Variants in INTS1 observed in about 807,000 individuals in gnomAD.
INTS1 encodes the protein integrator complex subunit 1.
Under a neutral mutation model 241.6 loss-of-function variants are expected in INTS1, and 137 were observed. That is an observed-to-expected ratio of 0.57 (90% CI 0.49 to 0.65). The LOEUF is 0.65. Ranked by LOEUF, INTS1 falls within the 30% of genes least tolerant of loss-of-function variation. The pLI, the probability that INTS1 is intolerant of heterozygous loss-of-function variation, is 0.00. For missense variants in INTS1, 3,073 were observed against 3,032.2 expected (o/e 1.01, Z -0.32); for synonymous variants, 1,692 against 1,337.8 (o/e 1.26, Z -5.78).
chr7:1,498,946 C>CCCCCCCCCCCCCCCCCCCG, intron 8 of INTS1, 29 bp downstream of exon 8: 1 of 1,194,106 alleles, frequency 8.4e-7, no homozygotes. Context: ...ACCCCCTGCC[C>CCCCCCCCCCCCCCCCCCCG]CGCCCACCCC....
Position 1,497,241 on chromosome 7 carries a change from C to T in INTS1, c.1499G>A (p.Arg500Gln). The T allele has an allele frequency of 1.9e-6, 3 of 1,613,394 alleles. No homozygotes were observed. Among genetic ancestry groups the T allele is most frequent in the Non-Finnish European group, 2.5e-6 (3 of 1,179,792 alleles). The change falls in exon 11 of 48, where the codon CGG (arginine) becomes CAG (glutamine). Residue 500 changes from arginine (R) to glutamine (Q), a missense_variant. Physicochemically the swap from Arg to Gln is conservative, Grantham distance 43. Transcript: ENST00000404767. This position sits in a 1 kb window ranked among gnomAD's most constrained non-coding sequence, Gnocchi z 5.3. ...DYLRASRALL[R>Q]EIIKQTKHEI... ...GTGCTTGGTCTGCTTGATGATCTCC[C>T]GCAGCAGGGCCCGCGAGGCCCGCAG...
At chr7:1,490,495 T>C (rs1782497554) in intron 16 of INTS1, among the ~76,000 whole-genome samples, 1 of 152,162 alleles carries the variant, frequency 6.6e-6, no homozygotes, top group Non-Finnish European at 1.5e-5. Context: ...CGGGAACCCC[T>C]GAAAGGGTGT....
At position 1,486,551 on chromosome 7, in the gene INTS1, C is replaced by T. The variant is rs1368866512; in HGVS notation, c.2976+74G>A. The T allele has an allele frequency of 6.0e-6, 9 of 1,500,586 alleles. No homozygotes were observed. In the Admixed American group the frequency reaches 1.6e-4, roughly 27 times the overall value. 93.0% of individuals were successfully genotyped at this position (1,500,586 alleles called of 1,614,324 possible). A position where few individuals can be genotyped will look rare whatever the true frequency, so the allele number is the denominator to read the frequency against. ...AAGTGCTGGGATGACAGGCGTGAGC[C>T]ACCGTGCCCGGTCCCCAGCCTACTC... On this transcript the variant is annotated intron_variant, in intron 22 of 47. Transcript: ENST00000404767.
At chr7:1,501,128 T>C (rs1783155939) in intron 3 of INTS1, 2 of 151,582 alleles carry the variant, frequency 1.3e-5, no homozygotes, top group African/African-American at 4.9e-5. Flanking sequence ...CTACTAGAAA[T>C]ACACAAATTA....
chr7:1,493,669 C>G lies in INTS1; in HGVS notation c.2068+85G>C. On this transcript the variant is annotated intron_variant, in intron 15 of 47. Coordinates refer to ENST00000404767, the MANE Select transcript of INTS1 (RefSeq NM_001080453.3). The surrounding 1 kb of genome is among the most constrained non-coding windows in gnomAD (Gnocchi z 5.3). ...CTGAAGCGCAGCTTTGTGGAGCGCCCCAGAGGTGCGTGCCAGAGCCGGGGT... is the reference window on the plus strand; with the variant it reads ...CTGAAGCGCAGCTTTGTGGAGCGCCGCAGAGGTGCGTGCCAGAGCCGGGGT... 1 of 1,475,656 alleles carries G rather than the reference C, an allele frequency of 6.8e-7. No individual in the cohort carries two copies. The highest frequency in any genetic ancestry group is 9.0e-7 in the Non-Finnish European group (1 of 1,106,260). 91.4% of individuals were successfully genotyped at this position (1,475,656 alleles called of 1,614,324 possible).
Position 1,480,350 on chromosome 7 carries a change from G to A in INTS1, c.4041C>T (p.Gly1347=). Residue 1347 remains glycine (G), a synonymous_variant, in exon 30 of 48, where the codon GGC becomes GGT. Transcript: ENST00000404767. ...ACATGCCAGCCAGGTCGTCCTCAGGGCCCAGCACCCGGAGCTGGGTCCCCA... is the reference window on the plus strand; with the variant it reads ...ACATGCCAGCCAGGTCGTCCTCAGGACCCAGCACCCGGAGCTGGGTCCCCA... ...IRVGTQLRVL[G]PEDDLAGMFL... 1.2e-6 allele frequency: 2 copies of A among 1,611,374 alleles called. No individual in the cohort carries two copies. Among genetic ancestry groups the A allele is most frequent in the South Asian group, 1.1e-5 (1 of 90,886 alleles).
rs1480086491 is a variant in INTS1, at chr7:1,493,542, G to C, written c.2068+212C>G. Among the ~76,000 whole-genome samples, 1 of 152,110 alleles carries C rather than the reference G, an allele frequency of 6.6e-6. No individual in the cohort carries two copies. Among genetic ancestry groups the C allele is most frequent in the Admixed American group, 6.6e-5 (1 of 15,266 alleles). ...AAAATGTGCAAATTCCAAAGAACGG[G>C]GCAGTGACTGCACCATTGCCAAATA... is the stretch of plus-strand genomic sequence containing the variant. On this transcript the variant is annotated intron_variant, in intron 15 of 47. Transcript: ENST00000404767. This position sits in a 1 kb window ranked among gnomAD's most constrained non-coding sequence, Gnocchi z 5.3.
At chr7:1,473,334 A>G in intron 42 of INTS1, 150 bp from the exon 43 acceptor site, 3 of 724,698 alleles carry the variant, frequency 4.1e-6, no homozygotes, top group Non-Finnish European at 6.9e-6. Context: ...CGGGGAAGCC[A>G]CATGTGCGTG....
At chr7:1,495,351 T>G (rs111391955) in intron 13 of INTS1, 82 bp downstream of exon 13, 110,895 of 1,489,350 alleles carry the variant, frequency 0.074, 5,053 homozygotes, top group Admixed American at 0.23. Flanking sequence ...CAGTGGGGTT[T>G]GGGGCAGGGG....
rs543358414 is a variant in INTS1, at chr7:1,496,539, T to C, written c.1603-275A>G. On this transcript the variant is annotated intron_variant, in intron 11 of 47. Coordinates refer to ENST00000404767, the MANE Select transcript of INTS1 (RefSeq NM_001080453.3). ...GGTGCAGCACGCACACACTTGCACA[T>C]GCGCACACATACACACACACAAGCA... 1.1e-4 allele frequency among the ~76,000 whole-genome samples: 17 copies of C among 152,026 alleles called. No individual in the cohort carries two copies. The South Asian group carries it at 2.7e-3, about 24-fold the overall frequency.
intron 35 of INTS1, 108 bp from the exon 36 acceptor site, chr7:1,477,026 G>A (rs1781757880): frequency 2.2e-6 from 3 of 1,360,494 alleles, no homozygotes; most frequent in Non-Finnish European, 3.0e-6. Flanking sequence ...CCGAGGCTTG[G>A]GGTGCTGCCG....
In INTS1 at chr7:1,471,121, C is replaced by T. The variant is rs774504860; in HGVS notation, c.6347+12G>A. On this transcript the variant is annotated intron_variant, in intron 46 of 47. Transcript: ENST00000404767. The stretch of plus-strand genomic sequence containing the variant: ...GCGGTGGCGGCGGGACAGAGGCCGG[C>T]GGTGGCCTCACCTGGGGCTGTTCTG... 6.4e-6 allele frequency: 10 copies of T among 1,556,046 alleles called. No individual in the cohort carries two copies. Among genetic ancestry groups the T allele is most frequent in the Admixed American group, 3.8e-5 (2 of 52,236 alleles).
chr7:1,470,801 C>A, intron 47 of INTS1, 45 bp downstream of exon 47: 1 of 1,499,548 alleles, frequency 6.7e-7, no homozygotes. Context: ...CACCTCCGGC[C>A]TCCCCGAGGG....
chr7:1,480,809 G>A (rs1781957598), intron 29 of INTS1, 26 bp downstream of exon 29: 1 of 1,530,550 alleles, frequency 6.5e-7, no homozygotes, highest in Non-Finnish European at 8.8e-7. Flanking sequence ...CTGGGTCTCT[G>A]TGCTGGCCCC....
At position 1,485,332 on chromosome 7, in the gene INTS1, C is replaced by A; in HGVS notation, c.3114G>T (p.Leu1038=). ...CTGTGGTGCTCCTGACGCTGTCGAACAGAGGCAGGCGAGGCAGGTCCCGCA... is the reference window on the plus strand; with the variant it reads ...CTGTGGTGCTCCTGACGCTGTCGAAAAGAGGCAGGCGAGGCAGGTCCCGCA... ...WLLRDLPRLP[L]FDSVRSTTAL... Residue 1038 remains leucine (L), a synonymous_variant, in exon 23 of 48, where the codon CTG becomes CTT. Transcript: ENST00000404767. 1 of 1,612,292 alleles carries A rather than the reference C, an allele frequency of 6.2e-7. No homozygotes were observed. The highest frequency in any genetic ancestry group is 1.1e-5 in the South Asian group (1 of 91,088).
chr7:1,490,622 C>T (rs935822183), intron 16 of INTS1, among the ~76,000 whole-genome samples: 7 of 152,364 alleles, frequency 4.6e-5, no homozygotes, highest in South Asian at 2.1e-4. Context: ...GATCGCAGGG[C>T]GTGGCCTCAC....
Position 1,499,467 on chromosome 7 carries a change from T to A in INTS1, c.844+6A>T. 1.3e-6 allele frequency: 2 copies of A among 1,536,322 alleles called. No homozygotes were observed. Among genetic ancestry groups the A allele is most frequent in the South Asian group, 1.1e-5 (1 of 88,368 alleles). ...CCCGCCCTCTCTGGCTGGCCGTGTGTCTCACCTGCACCCAGGTCGCCCGCA... is the reference window on the plus strand; with the variant it reads ...CCCGCCCTCTCTGGCTGGCCGTGTGACTCACCTGCACCCAGGTCGCCCGCA... On this transcript the variant is annotated splice_donor_region_variant and intron_variant, in intron 6 of 47. Transcript: ENST00000404767.
chr7:1,499,840 C>T (rs187196462), intron 5 of INTS1, 44 bp downstream of exon 5: 12 of 1,590,046 alleles, frequency 7.5e-6, no homozygotes, highest in African/African-American at 2.7e-5. Flanking sequence ...TGCCCCACCC[C>T]GTGGCGCTCT....
Position 1,487,970 on chromosome 7 carries a change from G to A in INTS1, c.2319-13C>T, listed in dbSNP as rs368755522. 166 of 1,612,124 alleles carry A rather than the reference G, an allele frequency of 1.0e-4. No homozygotes were observed. The highest frequency in any genetic ancestry group is 1.0e-3 in the South Asian group (92 of 91,070). On this transcript the variant is annotated splice_polypyrimidine_tract_variant and intron_variant, in intron 18 of 47. Transcript: ENST00000404767. The stretch of plus-strand genomic sequence containing the variant: ...GTAGGAGTAGTTGCTAGGGCCAGAC[G>A]GGGGAGCGTGTCACCCTGCCCCCCA...
Sources: gnomAD v4.1 joint callset for allele counts (sites outside exome capture counted in the v4.1 genomes callset) on GRCh38, gnomAD v4.1.1 for gene constraint, Gnocchi (gnomAD v3.1) non-coding constraint, MANE v1.5 for transcripts, NCBI Gene and HGNC (gene_info 2026-07-23, HGNC 2026-07-21) for gene names.